Variants in NMNAT3 observed in about 807,000 individuals in gnomAD.
NMNAT3 encodes the protein nicotinamide/nicotinic acid mononucleotide adenylyltransferase 3.
NMNAT3 carries 21 observed loss-of-function variants against 24.8 expected under a neutral mutation model. That is an observed-to-expected ratio of 0.85 (90% CI 0.60 to 1.22). The LOEUF (loss-of-function observed/expected upper bound fraction) is 1.22. NMNAT3 is among the 50% of genes most tolerant of loss of function. The pLI, the probability that NMNAT3 is intolerant of heterozygous loss-of-function variation, is 0.00. For synonymous variants in NMNAT3, 136 were observed against 155.2 expected (o/e 0.88, Z 0.92); for missense variants, 387 against 436.6 (o/e 0.89, Z 1.01).
intron 3 of NMNAT3, among the ~76,000 whole-genome samples, chr3:139,590,036 G>A (rs188417): frequency 0.05 from 7,580 of 152,308 alleles, 247 homozygotes; most frequent in Non-Finnish European, 0.071. Context: ...CAGGATGACA[G>A]TATAGTGGGT....
chr3:139,634,170 A>G (rs1263830883), intron 2 of NMNAT3, among the ~76,000 whole-genome samples: 4 of 152,196 alleles, frequency 2.6e-5, no homozygotes, highest in Non-Finnish European at 4.4e-5. Context: ...GAGGCACAGT[A>G]AGGAAGGCGA....
intron 6 of NMNAT3, chr3:139,569,226 C>G (rs1004753906): frequency 1.3e-4 from 19 of 151,926 alleles, no homozygotes; most frequent in Non-Finnish European, 2.2e-4. Context: ...TATTTTGAGC[C>G]TATGTGTGTC....
intron 5 of NMNAT3, chr3:139,575,787 G>A: frequency 1.7e-6 from 2 of 1,164,790 alleles, no homozygotes; most frequent in Non-Finnish European, 2.2e-6. Flanking sequence ...CATGTTCTTG[G>A]TGTCCTCAGC....
intron 2 of NMNAT3, chr3:139,636,852 T>C (rs1280610814): frequency 1.3e-5 from 2 of 152,172 alleles, no homozygotes; most frequent in Non-Finnish European, 2.9e-5. Context: ...ATGTCCTACT[T>C]ATCAATAGGC....
intron 1 of NMNAT3, among the ~76,000 whole-genome samples, chr3:139,666,023 TC>T (rs2057569950): frequency 6.6e-6 from 1 of 152,186 alleles, no homozygotes; most frequent in South Asian, 2.1e-4. Flanking sequence ...ATGTTACCTA[TC>T]AAAAAATTTA....
chr3:139,596,975 A>G (rs1331459969), intron 3 of NMNAT3, among the ~76,000 whole-genome samples: 1 of 120,480 alleles, frequency 8.3e-6, no homozygotes, highest in Non-Finnish European at 1.8e-5. Context: ...TTTTTATTAC[A>G]TTGCATTACA....
At chr3:139,600,935 G>A (rs1207920379) in intron 3 of NMNAT3, among the ~76,000 whole-genome samples, 6 of 152,064 alleles carry the variant, frequency 3.9e-5, no homozygotes, top group South Asian at 2.1e-4. Flanking sequence ...GAATCTTTTC[G>A]CAGTAGGTGG....
At chr3:139,599,370 C>T (rs2054611299) in intron 3 of NMNAT3, 1 of 702,288 alleles carries the variant, frequency 1.4e-6, no homozygotes, top group Non-Finnish European at 2.6e-6. Flanking sequence ...CACAGTCTGG[C>T]CCCTACCACC....
At chr3:139,634,573 G>A (rs1476005169) in intron 2 of NMNAT3, 38 bp downstream of exon 3, 1 of 152,054 alleles carries the variant, frequency 6.6e-6, no homozygotes, top group African/African-American at 2.4e-5. Flanking sequence ...CTGTTGCTAC[G>A]GGCACACAAT....
chr3:139,565,359 T>C (rs536214626), intron 6 of NMNAT3: 1 of 152,194 alleles, frequency 6.6e-6, no homozygotes, highest in African/African-American at 2.4e-5. Context: ...TTTCTTTTTT[T>C]AAAAATTTTA....
At chr3:139,591,344 A>G (rs1362011638) in intron 3 of NMNAT3, among the ~76,000 whole-genome samples, 4 of 152,130 alleles carry the variant, frequency 2.6e-5, no homozygotes, top group Non-Finnish European at 5.9e-5. Context: ...GCTGATTGCT[A>G]GCACAGCAGT....
intron 3 of NMNAT3, among the ~76,000 whole-genome samples, chr3:139,586,870 G>A (rs2053961749): frequency 6.6e-6 from 1 of 152,106 alleles, no homozygotes; most frequent in Admixed American, 6.5e-5. Context: ...TGGAAGAATG[G>A]GCAGAAGGGC....
At chr3:139,631,713 G>T (rs1279003749) in intron 2 of NMNAT3, among the ~76,000 whole-genome samples, 1 of 151,028 alleles carries the variant, frequency 6.6e-6, no homozygotes, top group Non-Finnish European at 1.5e-5. Context: ...CACTCCTCAA[G>T]CACAACATGC....
At chr3:139,654,651 C>T (rs1422095203) in intron 1 of NMNAT3, among the ~76,000 whole-genome samples, 1 of 152,150 alleles carries the variant, frequency 6.6e-6, no homozygotes, top group African/African-American at 2.4e-5. Flanking sequence ...AAGCCTATCA[C>T]AAAAATGAAC....
chr3:139,610,960 C>T (rs1474824408), intron 3 of NMNAT3, among the ~76,000 whole-genome samples: 1 of 152,068 alleles, frequency 6.6e-6, no homozygotes, highest in Non-Finnish European at 1.5e-5. Flanking sequence ...ATTTAAAATG[C>T]AAGTCACTGA....
chr3:139,669,478 GAAAAAAA>G (rs61403161), intron 1 of NMNAT3, among the ~76,000 whole-genome samples: 6,074 of 59,274 alleles, frequency 0.1, 161 homozygotes, highest in Admixed American at 0.22. Flanking sequence ...CCCTGTCTCA[GAAAAAAA>G]AAAAAAAAAA....
chr3:139,657,325 A>G (rs930255296), intron 1 of NMNAT3, among the ~76,000 whole-genome samples: 2 of 152,260 alleles, frequency 1.3e-5, no homozygotes, highest in African/African-American at 4.8e-5. Flanking sequence ...TTAGACATCA[A>G]TTATAACTTC....
At chr3:139,614,326 T>C (rs2055380137) in intron 3 of NMNAT3, among the ~76,000 whole-genome samples, 1 of 152,140 alleles carries the variant, frequency 6.6e-6, no homozygotes, top group Non-Finnish European at 1.5e-5. Context: ...GATCAAACCC[T>C]GACTACTTCC....
At chr3:139,593,139 T>C (rs928053880) in intron 3 of NMNAT3, among the ~76,000 whole-genome samples, 1 of 151,530 alleles carries the variant, frequency 6.6e-6, no homozygotes, top group East Asian at 1.9e-4. Flanking sequence ...ACCAAGCAAA[T>C]GGAAAACAAA....
Sources: gnomAD v4.1 joint callset for allele counts (sites outside exome capture counted in the v4.1 genomes callset) on GRCh38, gnomAD v4.1.1 for gene constraint, MANE v1.5 for transcripts, NCBI Gene and HGNC (gene_info 2026-07-23, HGNC 2026-07-21) for gene names.